GRM4: variants seen among roughly 807,000 people sequenced by gnomAD.
The protein encoded by GRM4 is metabotropic glutamate receptor 4.
In GRM4, 28 loss-of-function variants were observed where a neutral mutation model predicts 81.7. That is an observed-to-expected ratio of 0.34 (90% CI 0.25 to 0.47). The LOEUF (loss-of-function observed/expected upper bound fraction) is 0.47, where lower values mean the gene tolerates loss of function less well. Among genes scored for constraint, GRM4 ranks in the 20% least tolerant of loss-of-function variants. GRM4 has a pLI of 1.00. For synonymous variants in GRM4, 488 were observed against 528.8 expected, an observed-to-expected ratio of 0.92 and a Z score of 1.06; for missense variants, 948 against 1,290.0, an observed-to-expected ratio of 0.73 and a Z score of 4.06.
At chr6:34,144,144 A>T (rs1770818550) in intron 1 of GRM4, among the ~76,000 whole-genome samples, 1 of 152,212 alleles carries the variant, frequency 6.6e-6, no homozygotes. Flanking sequence ...GCCTAGGGGC[A>T]GGGGGCGCTC....
intron 6 of GRM4, among the ~76,000 whole-genome samples, chr6:34,044,363 GACACACACAT>G (rs1282092439): frequency 5.9e-5 from 5 of 85,028 alleles, no homozygotes; most frequent in Admixed American, 2.2e-4. Context: ...TATATACACA[GACACACACAT>G]ACACACACAT....
chr6:34,142,350 C>T (rs578058686), intron 1 of GRM4, among the ~76,000 whole-genome samples: 9 of 152,196 alleles, frequency 5.9e-5, no homozygotes, highest in East Asian at 1.9e-4. Flanking sequence ...GCTGCCAGTG[C>T]GTCCTGCCCA....
At chr6:34,116,374 A>T (rs1179910500) in intron 2 of GRM4, among the ~76,000 whole-genome samples, 2 of 152,194 alleles carry the variant, frequency 1.3e-5, no homozygotes, top group African/African-American at 4.8e-5. Context: ...AGGCACATAA[A>T]TCCAACCATT....
At chr6:34,153,787 C>T (rs1213843573) in intron 1 of GRM4, among the ~76,000 whole-genome samples, 6 of 152,116 alleles carry the variant, frequency 3.9e-5, no homozygotes, top group Non-Finnish European at 2.9e-5. Context: ...GTTAGCCAGG[C>T]GTGGTGGCAC....
In GRM4 at chr6:34,114,473, C is replaced by T. The variant is rs115999381; in HGVS notation, c.519+18505G>A. On this transcript the variant is annotated intron_variant, in intron 2 of 10. Coordinates refer to ENST00000538487, the MANE Select transcript of GRM4 (RefSeq NM_000841.4). The surrounding 1 kb of genome is among the most constrained non-coding windows in gnomAD (Gnocchi z 4.3). ...GCCCTGCAACCAACCCTCCAGTCCA[C>T]ACCCAAAGGAATACTTTTAACTCCC... Among the ~76,000 whole-genome samples, 69 of 152,290 alleles carry T rather than the reference C, an allele frequency of 4.5e-4. No individual in the cohort carries two copies. Among genetic ancestry groups the T allele is most frequent in the African/African-American group, 1.5e-3 (63 of 41,536 alleles).
chr6:34,037,733 T>G (rs567995174), intron 8 of GRM4, among the ~76,000 whole-genome samples: 1 of 151,628 alleles, frequency 6.6e-6, no homozygotes, highest in African/African-American at 2.4e-5. Flanking sequence ...TGTGGTGGCG[T>G]GCACCTATAA....
At chr6:34,123,090 G>A (rs562289786) in intron 2 of GRM4, among the ~76,000 whole-genome samples, 3 of 152,286 alleles carry the variant, frequency 2.0e-5, no homozygotes, top group East Asian at 3.9e-4. Flanking sequence ...GGGCGGCCAC[G>A]TTACCCAAGG....
At chr6:34,043,128 A>G (rs1200594831) in intron 6 of GRM4, among the ~76,000 whole-genome samples, 3 of 152,160 alleles carry the variant, frequency 2.0e-5, no homozygotes, top group African/African-American at 4.8e-5. Flanking sequence ...GGGCGACAGG[A>G]TGGGCACTTC....
chr6:34,094,747 T>G (rs1349265553), intron 2 of GRM4, among the ~76,000 whole-genome samples: 1 of 152,146 alleles, frequency 6.6e-6, no homozygotes, highest in Non-Finnish European at 1.5e-5. Context: ...GATCAGAAGC[T>G]TGTCCCTACT....
intron 5 of GRM4, among the ~76,000 whole-genome samples, chr6:34,057,664 A>C (rs999015732): frequency 1.3e-5 from 2 of 152,234 alleles, no homozygotes; most frequent in Non-Finnish European, 2.9e-5. Flanking sequence ...AATCGCCCCC[A>C]GATAAGGACC....
At chr6:34,029,751 T>G (rs1225380157) in intron 9 of GRM4, among the ~76,000 whole-genome samples, 2 of 152,092 alleles carry the variant, frequency 1.3e-5, no homozygotes, top group African/African-American at 2.4e-5. Context: ...CCGCAGGCAC[T>G]GAGATGAAGG....
In GRM4 at chr6:34,019,341, C is replaced by G. The variant is rs555974295; in HGVS notation, c.*3480G>C. 6.6e-6 allele frequency: 1 copy of G among 152,402 alleles called. No homozygotes were observed. Among genetic ancestry groups the G allele is most frequent in the East Asian group, 1.9e-4 (1 of 5,180 alleles). 9.4% of individuals were successfully genotyped at this position (152,402 alleles called of 1,614,324 possible). On this transcript the variant is annotated 3_prime_UTR_variant, in exon 11 of 11. Coordinates refer to ENST00000538487, the MANE Select transcript of GRM4 (RefSeq NM_000841.4). ...GGAAGCTCCTGGGTGTCTGCTCAGG[C>G]TGGCAGCAGCCCAGCCTTGGGCTTG...
At chr6:34,065,072 G>A (rs1183518081) in intron 3 of GRM4, among the ~76,000 whole-genome samples, 1 of 152,186 alleles carries the variant, frequency 6.6e-6, no homozygotes, top group Non-Finnish European at 1.5e-5. Flanking sequence ...AGTGTTTCAT[G>A]TGCCGGAGCC....
At chr6:34,077,204 G>A (rs1327682464) in intron 3 of GRM4, among the ~76,000 whole-genome samples, 1 of 152,074 alleles carries the variant, frequency 6.6e-6, no homozygotes, top group Admixed American at 6.5e-5. Flanking sequence ...CCAGAGGTAG[G>A]GTGCAGCTGT....
intron 6 of GRM4, among the ~76,000 whole-genome samples, chr6:34,044,929 G>GAC (rs552862099): frequency 0.011 from 1,527 of 142,428 alleles, 17 homozygotes; most frequent in Non-Finnish European, 0.016. Context: ...TATATACACA[G>GAC]ACACACACAC....
intron 6 of GRM4, among the ~76,000 whole-genome samples, chr6:34,044,240 AC>A (rs1411466133): frequency 1.3e-5 from 2 of 149,962 alleles, no homozygotes; most frequent in East Asian, 2.0e-4. Flanking sequence ...ACACACACAT[AC>A]ACACACAGAG....
At chr6:34,101,707 G>A (rs183302237) in intron 2 of GRM4, among the ~76,000 whole-genome samples, 1 of 152,360 alleles carries the variant, frequency 6.6e-6, no homozygotes, top group Admixed American at 6.5e-5. Context: ...TCGGGCAGGA[G>A]CCCTGGAAGG....
chr6:34,063,460 G>C (rs1202146851), intron 3 of GRM4: 1 of 152,518 alleles, frequency 6.6e-6, no homozygotes, highest in Non-Finnish European at 1.5e-5. Flanking sequence ...AACAGGGTAC[G>C]CTCTGGAAGG....
intron 8 of GRM4, 73 bp downstream of exon 8, chr6:34,040,105 C>T: frequency 6.9e-7 from 1 of 1,459,440 alleles, no homozygotes; most frequent in Non-Finnish European, 9.5e-7. Context: ...GCAGCAGCCT[C>T]CCCTTGGGCC....
Sources: gnomAD v4.1 joint callset for allele counts (sites outside exome capture counted in the v4.1 genomes callset) on GRCh38, gnomAD v4.1.1 for gene constraint, Gnocchi (gnomAD v3.1) non-coding constraint, MANE v1.5 for transcripts, NCBI Gene and HGNC (gene_info 2026-07-23, HGNC 2026-07-21) for gene names.